Variants in UPF2 observed in about 807,000 individuals in gnomAD.
The protein encoded by UPF2 is regulator of nonsense transcripts 2.
A neutral mutation model predicts 141.4 loss-of-function variants in UPF2; 17 were observed. The observed-to-expected ratio is 0.12, with a 90% confidence interval of 0.08 to 0.18. The LOEUF is 0.18. Among genes scored for constraint, UPF2 ranks in the 10% least tolerant of loss-of-function variants. The pLI is 1.00. For missense variants in UPF2, 1,152 were observed against 1,515.9 expected, an observed-to-expected ratio of 0.76 and a Z score of 3.99; for synonymous variants, 540 against 498.0, an observed-to-expected ratio of 1.08 and a Z score of -1.12.
intron 4 of UPF2, among the ~76,000 whole-genome samples, chr10:12,010,615 C>A (rs1834110623): frequency 1.3e-5 from 2 of 152,066 alleles, no homozygotes; most frequent in Non-Finnish European, 2.9e-5. Context: ...ACCTAAAATA[C>A]TTGTAATTGA....
chr10:11,955,648 TGG>T, intron 13 of UPF2, 141 bp from the exon 14 acceptor site: 1 of 847,176 alleles, frequency 1.2e-6, no homozygotes. Context: ...TCTAATAAAC[TGG>T]TTACTTCTAG....
chr10:11,930,204 A>C (rs1832765873), intron 20 of UPF2, among the ~76,000 whole-genome samples: 1 of 152,254 alleles, frequency 6.6e-6, no homozygotes, highest in African/African-American at 2.4e-5. Flanking sequence ...TTTACTATGA[A>C]TCTAGCCACC....
At chr10:12,032,652 C>A (rs1564373874) in intron 2 of UPF2, among the ~76,000 whole-genome samples, 1 of 151,306 alleles carries the variant, frequency 6.6e-6, no homozygotes, top group Admixed American at 6.6e-5. Flanking sequence ...GCGGGAGGAT[C>A]ACTTGAGCCC....
chr10:11,967,475 G>C, intron 9 of UPF2, 21 bp from the exon 10 acceptor site: 1 of 1,337,924 alleles, frequency 7.5e-7, no homozygotes, highest in Non-Finnish European at 1.0e-6. Flanking sequence ...AGAGAGAAAA[G>C]ATAATGCTTA....
intron 8 of UPF2, among the ~76,000 whole-genome samples, chr10:11,990,194 C>CTTTCAATG (rs1833756167): frequency 6.6e-6 from 1 of 152,114 alleles, no homozygotes; most frequent in Non-Finnish European, 1.5e-5. Context: ...TCAAATATGC[C>CTTTCAATG]ATCAACATGC....
chr10:11,979,281 A>G lies in UPF2; in HGVS notation c.1845-116T>C, dbSNP rs1055695794. ...TTAAATGATCTTAAAACTCATAATC[A>G]TACAGACATGCCTATTTATTGCCAT... On this transcript the variant is annotated intron_variant, in intron 8 of 21. Coordinates refer to ENST00000357604, the MANE Select transcript of UPF2 (RefSeq NM_015542.4). The surrounding 1 kb of genome is among the most constrained non-coding windows in gnomAD (Gnocchi z 6.2). The G allele has an allele frequency of 3.1e-6, 2 of 637,638 alleles. No individual in the cohort carries two copies. Among genetic ancestry groups the G allele is most frequent in the African/African-American group, 3.6e-5 (2 of 55,062 alleles). 39.5% of individuals were successfully genotyped at this position (637,638 alleles called of 1,614,324 possible). A position where few individuals can be genotyped will look rare whatever the true frequency, so the allele number is the denominator to read the frequency against.
At chr10:12,024,076 A>G (rs1266924876) in intron 3 of UPF2, among the ~76,000 whole-genome samples, 1 of 152,220 alleles carries the variant, frequency 6.6e-6, no homozygotes, top group East Asian at 1.9e-4. Flanking sequence ...CAGCTAGCTT[A>G]GTTTTCTTGC....
chr10:12,028,100 T>C (rs908144416), intron 3 of UPF2, among the ~76,000 whole-genome samples: 3 of 152,190 alleles, frequency 2.0e-5, no homozygotes, highest in Admixed American at 1.3e-4. Context: ...TAGTCTACCA[T>C]ACCTTTTAAC....
At chr10:11,973,902 T>G (rs1403880256) in intron 9 of UPF2, among the ~76,000 whole-genome samples, 2 of 152,220 alleles carry the variant, frequency 1.3e-5, no homozygotes, top group African/African-American at 4.8e-5. Context: ...TTTCAAGTAG[T>G]TTTTTCCAAT....
At chr10:12,009,332 C>T (rs192722739) in intron 4 of UPF2, among the ~76,000 whole-genome samples, 2 of 152,014 alleles carry the variant, frequency 1.3e-5, no homozygotes, top group African/African-American at 4.8e-5. Flanking sequence ...TACAGAACAA[C>T]CATACAAAAG....
intron 14 of UPF2, 132 bp from the exon 15 acceptor site, chr10:11,952,381 C>T: frequency 3.0e-6 from 2 of 670,118 alleles, no homozygotes; most frequent in Non-Finnish European, 4.6e-6. Flanking sequence ...CTTACCATTT[C>T]TATTAATGGT....
At position 11,921,139 on chromosome 10, in the gene UPF2, GTGTTTCTGCCTCCT is replaced by G; in HGVS notation, c.*145_*158del. On this transcript the variant is annotated 3_prime_UTR_variant, in exon 22 of 22. Transcript: ENST00000357604. This position sits in a 1 kb window ranked among gnomAD's most constrained non-coding sequence, Gnocchi z 5.9. The stretch of plus-strand genomic sequence containing the variant: ...CTTGTTCCGGTGTTGGCAGAGGCTG[GTGTTTCTGCCTCCT>G]GGCCCCAGCCTGTCCCAGGTTTAGA... The G allele has an allele frequency of 1.0e-6, 1 of 974,624 alleles. No individual in the cohort carries two copies. The highest frequency in any genetic ancestry group is 1.7e-6 in the Non-Finnish European group (1 of 597,074). The allele number at this position is 974,624 out of a possible 1,614,324, so 60.4% of individuals were successfully genotyped here.
intron 3 of UPF2, among the ~76,000 whole-genome samples, chr10:12,024,170 A>G (rs1161896860): frequency 6.6e-6 from 1 of 152,072 alleles, no homozygotes; most frequent in Admixed American, 6.6e-5. Context: ...CAAAACACCT[A>G]CTAGATGAGA....
At chr10:11,958,199 T>G (rs977881662) in intron 12 of UPF2, among the ~76,000 whole-genome samples, 1 of 152,092 alleles carries the variant, frequency 6.6e-6, no homozygotes, top group Non-Finnish European at 1.5e-5. Flanking sequence ...TTACATTAAA[T>G]TTTTTTAAAA....
At chr10:11,951,254 G>T (rs1408199789) in intron 15 of UPF2, among the ~76,000 whole-genome samples, 1 of 151,864 alleles carries the variant, frequency 6.6e-6, no homozygotes, top group African/African-American at 2.4e-5. Flanking sequence ...GTAGAGATGG[G>T]GTTTTGCCAT....
At chr10:11,938,869 T>TTTG (rs1832897821) in intron 18 of UPF2, among the ~76,000 whole-genome samples, 1 of 104,748 alleles carries the variant, frequency 9.5e-6, no homozygotes, top group Non-Finnish European at 2.0e-5. Flanking sequence ...TTTTTTTTTT[T>TTTG]TTTTTTTTTT....
rs1249187032 is a variant in UPF2, at chr10:11,973,317, T to TGCCC, written c.1953+5739_1953+5740insGGGC. Among the ~76,000 whole-genome samples, 74 of 152,352 alleles carry TGCCC rather than the reference T, an allele frequency of 4.9e-4. 1 individual carries two copies. The highest frequency in any genetic ancestry group is 4.8e-3 in the Admixed American group (73 of 15,304). ...TCAGATGGGTAGATTGTAAAAATTT[T>TGCCC]CTCCCATTCTGTAGGTTGCCTATTC... On this transcript the variant is annotated intron_variant, in intron 9 of 21. Transcript: ENST00000357604.
In UPF2 at chr10:12,011,144, C is replaced by A. The variant is rs567661736; in HGVS notation, c.1306+2880G>T. Among the ~76,000 whole-genome samples the A allele has an allele frequency of 3.1e-4, 47 of 152,270 alleles. 1 individual carries two copies. The highest frequency in any genetic ancestry group is 1.1e-3 in the African/African-American group (44 of 41,554). On this transcript the variant is annotated intron_variant, in intron 4 of 21. Transcript: ENST00000357604. ...CTACAGGCTTGTGCCACATGACTGG[C>A]TAAATTTGTTTTATTTTTTAAAATT... is the stretch of plus-strand genomic sequence containing the variant.
At position 12,001,658 on chromosome 10, in the gene UPF2, G is replaced by C; in HGVS notation, c.1654+18C>G. The C allele has an allele frequency of 6.3e-7, 1 of 1,577,394 alleles. No homozygotes were observed. The highest frequency in any genetic ancestry group is 8.6e-7 in the Non-Finnish European group (1 of 1,166,334). ...TAAAAACCAATTAAAAATGAAAGTT[G>C]GTAAATTAGTTCTTTACCTTGTTCA... On this transcript the variant is annotated intron_variant, in intron 6 of 21. Coordinates refer to ENST00000357604, the MANE Select transcript of UPF2 (RefSeq NM_015542.4).
Sources: allele counts gnomAD v4.1 joint callset (sites outside exome capture counted in the v4.1 genomes callset), GRCh38; gene constraint gnomAD v4.1.1; non-coding constraint Gnocchi (gnomAD v3.1); transcripts MANE v1.5; gene names NCBI Gene and HGNC (gene_info 2026-07-23, HGNC 2026-07-21).